Variants in ZNF710 observed in about 807,000 individuals in gnomAD.
ZNF710 encodes the protein zinc finger protein 710.
ZNF710 carries 13 observed loss-of-function variants against 50.6 expected under a neutral mutation model. That is an observed-to-expected ratio of 0.26 (90% CI 0.17 to 0.41). The LOEUF (loss-of-function observed/expected upper bound fraction) is 0.41. ZNF710 is among the 10% of genes least tolerant of loss of function. The pLI is 1.00. For synonymous variants in ZNF710, 383 were observed against 397.0 expected (o/e 0.96, Z 0.42); for missense variants, 721 against 936.6 (o/e 0.77, Z 3.01).
intron 1 of ZNF710, among the ~76,000 whole-genome samples, chr15:90,031,553 A>T (rs1482589002): frequency 6.6e-6 from 1 of 152,242 alleles, no homozygotes; most frequent in African/African-American, 2.4e-5. Flanking sequence ...CTGGTCTCTC[A>T]ACACCAGGTC....
At chr15:90,043,882 CCT>C (rs1159860337) in intron 1 of ZNF710, among the ~76,000 whole-genome samples, 1 of 152,182 alleles carries the variant, frequency 6.6e-6, no homozygotes, top group Non-Finnish European at 1.5e-5. Flanking sequence ...TCTTTTTTCC[CCT>C]TTTTCTTCTT....
At position 90,074,121 on chromosome 15, in the gene ZNF710, C is replaced by T. The variant is rs772331908; in HGVS notation, c.1656C>T (p.Cys552=). Reference sequence around the variant, plus strand: ...ACCGGGTTGATGTGTTCTAGGTGTGCGGGAAGTCCTTCAACCGCATGTACA... The same window carrying T: ...ACCGGGTTGATGTGTTCTAGGTGTGTGGGAAGTCCTTCAACCGCATGTACA... ...SPVKPFKCKV[C]GKSFNRMYNL... The change falls in exon 4 of 5, where the codon TGC becomes TGT. Residue 552 remains cysteine, a synonymous_variant. Coordinates refer to ENST00000268154, the MANE Select transcript of ZNF710 (RefSeq NM_198526.4). 38 of 1,612,738 alleles carry T rather than the reference C, an allele frequency of 2.4e-5. No individual in the cohort carries two copies. The highest frequency in any genetic ancestry group is 1.2e-4 in the Admixed American group (7 of 59,638).
At chr15:90,012,904 C>T (rs1898353020) in intron 1 of ZNF710, among the ~76,000 whole-genome samples, 2 of 152,088 alleles carry the variant, frequency 1.3e-5, no homozygotes, top group South Asian at 4.2e-4. Flanking sequence ...CAATCTCTTA[C>T]TCCTTGTGTT....
chr15:90,012,290 ATTT>A (rs1026567607), intron 1 of ZNF710, among the ~76,000 whole-genome samples: 7 of 94,548 alleles, frequency 7.4e-5, no homozygotes, highest in African/African-American at 1.8e-4. Flanking sequence ...TTGAGTGTGC[ATTT>A]TTTTTTTTTT....
At chr15:90,011,185 C>G (rs1440344570) in intron 1 of ZNF710, among the ~76,000 whole-genome samples, 1 of 152,228 alleles carries the variant, frequency 6.6e-6, no homozygotes, top group East Asian at 1.9e-4. Flanking sequence ...CCATCTCGGC[C>G]TCCCAAAGTG....
At chr15:90,008,505 G>A (rs60572716) in intron 1 of ZNF710, among the ~76,000 whole-genome samples, 9,574 of 141,358 alleles carry the variant, frequency 0.068, 1,224 homozygotes, top group African/African-American at 0.26. Flanking sequence ...GTTGGAGGCC[G>A]GGCACAGTGG....
chr15:90,017,126 T>G (rs1417853095), intron 1 of ZNF710, among the ~76,000 whole-genome samples: 1 of 152,180 alleles, frequency 6.6e-6, no homozygotes, highest in Non-Finnish European at 1.5e-5. Flanking sequence ...GGCAGGGAAC[T>G]TTTTAGGGGT....
chr15:90,077,822 G>C (rs1053878469), intron 4 of ZNF710, among the ~76,000 whole-genome samples: 1 of 152,136 alleles, frequency 6.6e-6, no homozygotes. Flanking sequence ...AGGTTGAGTT[G>C]GGAGGATCAC....
chr15:90,054,943 G>A (rs1279276976), intron 1 of ZNF710, among the ~76,000 whole-genome samples: 1 of 152,158 alleles, frequency 6.6e-6, no homozygotes, highest in African/African-American at 2.4e-5. Context: ...AGCTGGTCTC[G>A]GCAAGGGGCC....
chr15:90,008,454 GTA>G (rs1378957319), intron 1 of ZNF710, among the ~76,000 whole-genome samples: 2 of 124,964 alleles, frequency 1.6e-5, no homozygotes, highest in Non-Finnish European at 1.6e-5. Context: ...ATATATATAT[GTA>G]TATATATATA....
At position 90,021,019 on chromosome 15, in the gene ZNF710, C is replaced by CCCG. The variant is rs66682813; in HGVS notation, c.-29+19406_-29+19407insCGC. 3.9e-3 allele frequency among the ~76,000 whole-genome samples: 159 copies of CCCG among 40,396 alleles called. 1 individual carries two copies. The highest frequency in any genetic ancestry group is 9.8e-3 in the African/African-American group (120 of 12,218). The allele number at this position is 40,396 out of a possible 152,430, so 26.5% of individuals were successfully genotyped here. ...GAGAGAGGGTGTGGCACCCCCCCCCCCTTAGCAGCCTGGGGGACGTCAGCT... is the reference window on the plus strand; with the variant it reads ...GAGAGAGGGTGTGGCACCCCCCCCCCCCGCTTAGCAGCCTGGGGGACGTCAGCT... On this transcript the variant is annotated intron_variant, in intron 1 of 4. Coordinates refer to ENST00000268154, the MANE Select transcript of ZNF710 (RefSeq NM_198526.4).
intron 2 of ZNF710, among the ~76,000 whole-genome samples, chr15:90,069,519 AGAGAGGCCAGG>A (rs1239943601): frequency 6.6e-6 from 1 of 152,170 alleles, no homozygotes; most frequent in Non-Finnish European, 1.5e-5. Flanking sequence ...CAGAGGCCAG[AGAGAGGCCAGG>A]ATGCAACAGG....
chr15:90,001,637 C>CGCCCCAGCCCCA (rs547516817), intron 1 of ZNF710, 23 bp downstream of exon 1: 5 of 144,000 alleles, frequency 3.5e-5, no homozygotes, highest in South Asian at 1.9e-4. Context: ...CGCGGCCCCC[C>CGCCCCAGCCCCA]GCCCCAGCCC....
intron 1 of ZNF710, among the ~76,000 whole-genome samples, chr15:90,047,044 C>T (rs558446366): frequency 3.9e-5 from 6 of 152,314 alleles, no homozygotes; most frequent in South Asian, 2.1e-4. Context: ...TGGGCAAGAA[C>T]GTCTCCTTAC....
intron 4 of ZNF710, 31 bp from the exon 5 acceptor site, chr15:90,079,629 A>G (rs750540780): frequency 6.2e-7 from 1 of 1,601,618 alleles, no homozygotes; most frequent in Non-Finnish European, 8.5e-7. Flanking sequence ...GAGAGATGGC[A>G]GCCAGGTCTG....
chr15:90,042,637 C>G (rs1402287364), intron 1 of ZNF710, among the ~76,000 whole-genome samples: 2 of 152,186 alleles, frequency 1.3e-5, no homozygotes, highest in Non-Finnish European at 2.9e-5. Context: ...TTCGTCATGA[C>G]TCGCTAGGTA....
chr15:90,024,919 A>G (rs1450309365), intron 1 of ZNF710: 1 of 152,236 alleles, frequency 6.6e-6, no homozygotes, highest in East Asian at 1.9e-4. Context: ...CTCTGAATTC[A>G]CTTGGTCTCT....
intron 1 of ZNF710, among the ~76,000 whole-genome samples, chr15:90,055,881 G>A (rs767365993): frequency 5.3e-5 from 8 of 152,204 alleles, no homozygotes; most frequent in African/African-American, 1.7e-4. Context: ...TTGGGAGGCC[G>A]AGGCAGGTGG....
chr15:90,060,200 T>C (rs536100517), intron 1 of ZNF710, among the ~76,000 whole-genome samples: 2 of 151,458 alleles, frequency 1.3e-5, no homozygotes, highest in African/African-American at 4.8e-5. Context: ...AGAACTTTAA[T>C]TTGCCCCTTC....
Sources: allele counts gnomAD v4.1 joint callset (sites outside exome capture counted in the v4.1 genomes callset), GRCh38; gene constraint gnomAD v4.1.1; transcripts MANE v1.5; gene names NCBI Gene and HGNC (gene_info 2026-07-23, HGNC 2026-07-21).